PRKCQ: variants seen among roughly 807,000 people sequenced by gnomAD.
PRKCQ encodes the protein protein kinase C theta.
A neutral mutation model predicts 91.2 loss-of-function variants in PRKCQ; 41 were observed. The ratio of observed to expected loss-of-function variants is 0.45; its 90% CI spans 0.35 to 0.58. The LOEUF is 0.58. Among genes scored for constraint, PRKCQ ranks in the 20% least tolerant of loss-of-function variants. PRKCQ has a pLI of 0.00. For missense variants in PRKCQ, 673 were observed against 896.5 expected, an observed-to-expected ratio of 0.75 and a Z score of 3.18; for synonymous variants, 307 against 316.9, an observed-to-expected ratio of 0.97 and a Z score of 0.33.
intron 1 of PRKCQ, among the ~76,000 whole-genome samples, chr10:6,561,366 T>C (rs1840625373): frequency 2.5e-5 from 1 of 40,574 alleles, no homozygotes; most frequent in Admixed American, 4.7e-4. Flanking sequence ...TGAGACCCTG[T>C]CTCAAAAAAA....
the PRKCQ span, among the ~76,000 whole-genome samples, chr10:6,401,921 T>C: frequency 6.6e-6 from 1 of 152,150 alleles, no homozygotes; most frequent in Non-Finnish European, 1.5e-5. Flanking sequence ...AGTTCCTGAG[T>C]CCTCAGCTCA....
Position 6,428,318 on chromosome 10 carries a change from G to T in PRKCQ, c.2010C>A (p.Asn670Lys). 4 of 1,614,042 alleles carry T rather than the reference G, an allele frequency of 2.5e-6. No individual in the cohort carries two copies. Among genetic ancestry groups the T allele is most frequent in the Non-Finnish European group, 3.4e-6 (4 of 1,179,974 alleles). Residue 670 changes from asparagine to lysine, a missense_variant, in exon 18 of 18, where the codon AAC becomes AAA. Coordinates refer to ENST00000263125, the MANE Select transcript of PRKCQ (RefSeq NM_006257.5). Reference sequence around the variant, plus strand: ...CGGCAAATGACAGCCGGGGCTTCTCGTTTAAGAATTCTTTGTCGAAATTGC... The same window carrying T: ...CGGCAAATGACAGCCGGGGCTTCTCTTTTAAGAATTCTTTGTCGAAATTGC... ...DCSNFDKEFLNEKPRLSFADR... is the reference protein window; with the variant it reads ...DCSNFDKEFLKEKPRLSFADR...
At chr10:6,468,245 T>C (rs962124321) in intron 12 of PRKCQ, among the ~76,000 whole-genome samples, 8 of 152,214 alleles carry the variant, frequency 5.3e-5, no homozygotes, top group African/African-American at 1.9e-4. Context: ...CTAGAATTAG[T>C]AAAGGGTGAA....
At chr10:6,495,868 T>G (rs1837557759) in intron 7 of PRKCQ, among the ~76,000 whole-genome samples, 1 of 152,132 alleles carries the variant, frequency 6.6e-6, no homozygotes, top group Admixed American at 6.5e-5. Flanking sequence ...CTTCGGATGG[T>G]GGGTTCACTA....
In PRKCQ at chr10:6,478,985, G is replaced by C; in HGVS notation, c.1353+7C>G. ...GGGAGGTAGGGTTGTCGGAGCAGAA[G>C]CCATACCTTGGTCTGGAATGTACAA... On this transcript the variant is annotated splice_region_variant and intron_variant, in intron 12 of 17. Transcript: ENST00000263125. The C allele has an allele frequency of 3.1e-6, 5 of 1,613,910 alleles. No homozygotes were observed. Among genetic ancestry groups the C allele is most frequent in the Non-Finnish European group, 4.2e-6 (5 of 1,179,848 alleles).
intron 11 of PRKCQ, 93 bp from the exon 12 acceptor site, chr10:6,479,258 T>A: frequency 6.9e-7 from 1 of 1,449,940 alleles, no homozygotes; most frequent in Non-Finnish European, 9.4e-7. Flanking sequence ...CTGTGTTGGG[T>A]GGGAAAAGGG....
rs140694502 is a variant in PRKCQ, at chr10:6,433,442, G to A, written c.1837-2504C>T. 3.1e-3 allele frequency among the ~76,000 whole-genome samples: 476 copies of A among 152,234 alleles called. 4 individuals carry two copies. The highest frequency in any genetic ancestry group is 0.011 in the African/African-American group (456 of 41,538). ...GCATAGTGCCGTGCACAACATAGATGCTCAGTAGATGCCTGCAGAGTAAGT... is the reference window on the plus strand; with the variant it reads ...GCATAGTGCCGTGCACAACATAGATACTCAGTAGATGCCTGCAGAGTAAGT... On this transcript the variant is annotated intron_variant, in intron 16 of 17. Coordinates refer to ENST00000263125, the MANE Select transcript of PRKCQ (RefSeq NM_006257.5).
At chr10:6,398,916 A>G in the PRKCQ span, among the ~76,000 whole-genome samples, 1 of 151,802 alleles carries the variant, frequency 6.6e-6, no homozygotes, top group Non-Finnish European at 1.5e-5. Context: ...ACCACACCCA[A>G]CTAATTAAAA....
At chr10:6,439,927 T>G (rs1363418927) in intron 16 of PRKCQ, among the ~76,000 whole-genome samples, 1 of 152,198 alleles carries the variant, frequency 6.6e-6, no homozygotes, top group East Asian at 1.9e-4. Flanking sequence ...TTTGGCTTTG[T>G]GTCCCCACCC....
chr10:6,540,394 T>A (rs1384748149), intron 1 of PRKCQ, among the ~76,000 whole-genome samples: 1 of 152,144 alleles, frequency 6.6e-6, no homozygotes, highest in Non-Finnish European at 1.5e-5. Context: ...GCCCCATTCC[T>A]CCCACTCACC....
intron 16 of PRKCQ, among the ~76,000 whole-genome samples, chr10:6,439,138 TC>T (rs1564294724): frequency 6.6e-6 from 1 of 152,194 alleles, no homozygotes; most frequent in South Asian, 2.1e-4. Flanking sequence ...TCTCAGGTGT[TC>T]CTCTGTCTCC....
chr10:6,479,958 A>G (rs908448463), intron 11 of PRKCQ, among the ~76,000 whole-genome samples: 3 of 151,392 alleles, frequency 2.0e-5, no homozygotes, highest in African/African-American at 7.3e-5. Flanking sequence ...TCTCAAAATA[A>G]AAAAAAATAA....
intron 17 of PRKCQ, among the ~76,000 whole-genome samples, chr10:6,428,698 C>T (rs1833253520): frequency 6.6e-6 from 1 of 151,992 alleles, no homozygotes; most frequent in Admixed American, 6.6e-5. Flanking sequence ...ACCTCTGCCT[C>T]TTCAGTTTTC....
Position 6,433,673 on chromosome 10 carries a change from C to G in PRKCQ, c.1837-2735G>C, listed in dbSNP as rs978888025. Among the ~76,000 whole-genome samples, 3 of 152,174 alleles carry G rather than the reference C, an allele frequency of 2.0e-5. No homozygotes were observed. The South Asian group carries it at 6.2e-4, about 32-fold the overall frequency. ...CATAGGTAACGAAATGACACCTGCA[C>G]CCCATACATTTATACAAACCATAAA... is the stretch of plus-strand genomic sequence containing the variant. On this transcript the variant is annotated intron_variant, in intron 16 of 17. Coordinates refer to ENST00000263125, the MANE Select transcript of PRKCQ (RefSeq NM_006257.5).
At chr10:6,535,573 C>G (rs369024891) in intron 1 of PRKCQ, among the ~76,000 whole-genome samples, 2 of 151,910 alleles carry the variant, frequency 1.3e-5, no homozygotes, top group Non-Finnish European at 2.9e-5. Context: ...TGGGAGGTTA[C>G]GAAGGAAGTA....
chr10:6,499,328 C>T (rs1000866428), intron 4 of PRKCQ, among the ~76,000 whole-genome samples: 2 of 152,144 alleles, frequency 1.3e-5, no homozygotes, highest in African/African-American at 4.8e-5. Flanking sequence ...TTTGGATAGT[C>T]ACTGTTTACA....
intron 1 of PRKCQ, among the ~76,000 whole-genome samples, chr10:6,540,821 G>GTCTGTA (rs1291386311): frequency 6.6e-5 from 10 of 152,322 alleles, no homozygotes; most frequent in African/African-American, 2.4e-4. Flanking sequence ...TTTCCTCAGA[G>GTCTGTA]TCTGTACCAC....
At chr10:6,409,996 C>T in the PRKCQ span, among the ~76,000 whole-genome samples, 1 of 152,186 alleles carries the variant, frequency 6.6e-6, no homozygotes, top group Non-Finnish European at 1.5e-5. Context: ...TCAGCTTCTC[C>T]ATTGGAAGAA....
intron 12 of PRKCQ, among the ~76,000 whole-genome samples, chr10:6,476,184 G>GCTCATA (rs1320416705): frequency 1.3e-5 from 2 of 152,142 alleles, no homozygotes; most frequent in African/African-American, 4.8e-5. Context: ...TCTCTCATAA[G>GCTCATA]AGGGACAGAA....
Sources: gnomAD v4.1 joint callset for allele counts (sites outside exome capture counted in the v4.1 genomes callset) on GRCh38, gnomAD v4.1.1 for gene constraint, MANE v1.5 for transcripts, NCBI Gene and HGNC (gene_info 2026-07-23, HGNC 2026-07-21) for gene names.